The following GPHN variants were observed in gnomAD, a reference collection of about 807,000 sequenced individuals.
The protein encoded by GPHN is gephyrin.
In GPHN, 17 loss-of-function variants were observed where a neutral mutation model predicts 95.5. That is an observed-to-expected ratio of 0.18 (90% CI 0.12 to 0.27). GPHN has a LOEUF of 0.27. GPHN is among the 10% of genes least tolerant of loss of function. The pLI is 1.00. For missense variants in GPHN, 660 were observed against 978.1 expected (o/e 0.67, Z 4.34); for synonymous variants, 320 against 322.5 (o/e 0.99, Z 0.08).
At chr14:66,964,414 A>T (rs2069171132) in intron 8 of GPHN, among the ~76,000 whole-genome samples, 1 of 152,202 alleles carries the variant, frequency 6.6e-6, no homozygotes, top group Admixed American at 6.5e-5. Context: ...GTCAGATAGC[A>T]TGCTTAAATA....
chr14:66,730,627 A>G (rs1411389286), intron 2 of GPHN, among the ~76,000 whole-genome samples: 1 of 152,184 alleles, frequency 6.6e-6, no homozygotes, highest in Non-Finnish European at 1.5e-5. Context: ...TTTAAACACT[A>G]TGTTCAAGGC....
the GPHN span, among the ~76,000 whole-genome samples, chr14:67,497,662 G>A: frequency 1.1e-4 from 16 of 152,168 alleles, no homozygotes; most frequent in African/African-American, 3.9e-4. Flanking sequence ...TTTAACACAT[G>A]CTGAGTTGTC....
chr14:67,095,851 G>C lies in GPHN; in HGVS notation c.1238-5005G>C, dbSNP rs1184909413. ...GCTAAATGACAAGTTAATGGGTGCAGCACACCAGCATGGCACATGTATACA... is the reference window on the plus strand; with the variant it reads ...GCTAAATGACAAGTTAATGGGTGCACCACACCAGCATGGCACATGTATACA... On this transcript the variant is annotated intron_variant, in intron 12 of 22. Transcript: ENST00000478722. Among the ~76,000 whole-genome samples the C allele has an allele frequency of 2.0e-5, 3 of 149,478 alleles. No homozygotes were observed. The East Asian group carries it at 5.9e-4, about 29-fold the overall frequency.
chr14:67,104,212 A>G (rs962165004), intron 13 of GPHN, among the ~76,000 whole-genome samples: 14 of 152,336 alleles, frequency 9.2e-5, no homozygotes, highest in South Asian at 4.1e-4. Flanking sequence ...TCCCCACAGT[A>G]AATCCCACTT....
At chr14:66,644,185 G>A (rs988958871) in intron 1 of GPHN, among the ~76,000 whole-genome samples, 3 of 152,004 alleles carry the variant, frequency 2.0e-5, no homozygotes, top group Non-Finnish European at 4.4e-5. Flanking sequence ...TTCACAGAAC[G>A]CCTTGGGTTA....
the GPHN span, among the ~76,000 whole-genome samples, chr14:67,662,825 C>CGAA: frequency 2.6e-4 from 40 of 151,332 alleles, no homozygotes; most frequent in Middle Eastern, 6.8e-3. Context: ...AATGCTTGAA[C>CGAA]CCAGGAGGTG....
chr14:67,251,022 A>C, the GPHN span, among the ~76,000 whole-genome samples: 1 of 152,214 alleles, frequency 6.6e-6, no homozygotes, highest in African/African-American at 2.4e-5. Flanking sequence ...TTCTTTTTAC[A>C]AATGAGGAAA....
chr14:67,150,793 C>G (rs910827076), intron 18 of GPHN, among the ~76,000 whole-genome samples: 57 of 152,022 alleles, frequency 3.7e-4, no homozygotes, highest in African/African-American at 1.3e-3. Context: ...TGGGCTTAAG[C>G]AATAATCCTC....
intron 1 of GPHN, among the ~76,000 whole-genome samples, chr14:66,628,174 T>TA (rs2063593770): frequency 6.6e-6 from 1 of 152,148 alleles, no homozygotes; most frequent in Non-Finnish European, 1.5e-5. Context: ...AATGCAAAGT[T>TA]ATGAAAAACA....
chr14:67,131,128 G>C (rs186250452), intron 17 of GPHN, among the ~76,000 whole-genome samples: 35 of 152,190 alleles, frequency 2.3e-4, no homozygotes, highest in Admixed American at 9.8e-4. Context: ...TGCTATATGT[G>C]CTAGCCAAGC....
At chr14:67,104,853 T>C (rs2077947159) in intron 13 of GPHN, among the ~76,000 whole-genome samples, 1 of 152,116 alleles carries the variant, frequency 6.6e-6, no homozygotes, top group Non-Finnish European at 1.5e-5. Flanking sequence ...GTTTCTCTTA[T>C]CTGTATTCTT....
At chr14:67,279,400 A>G in the GPHN span, 1 of 1,614,010 alleles carries the variant, frequency 6.2e-7, no homozygotes, top group Admixed American at 1.7e-5. Flanking sequence ...GGGAAAAAGC[A>G]AGAACTTGAC....
the GPHN span, chr14:67,386,516 A>G: frequency 6.6e-6 from 1 of 152,248 alleles, no homozygotes; most frequent in Non-Finnish European, 1.5e-5. Context: ...CTTTAAAAGT[A>G]TTGTATGATA....
At chr14:67,194,161 G>A in the GPHN span, among the ~76,000 whole-genome samples, 4 of 151,838 alleles carry the variant, frequency 2.6e-5, no homozygotes, top group South Asian at 2.1e-4. Context: ...TCAGGAGTTC[G>A]AGACCAGCCT....
chr14:67,380,195 T>A, the GPHN span, among the ~76,000 whole-genome samples: 3 of 152,270 alleles, frequency 2.0e-5, no homozygotes, highest in Non-Finnish European at 4.4e-5. Flanking sequence ...GTCCCTGTCC[T>A]GTGGCACTTA....
In GPHN at chr14:67,144,264, T is replaced by TACATAC. The variant is rs1415844343; in HGVS notation, c.1836+816_1836+817insCATACA. On this transcript the variant is annotated intron_variant, in intron 18 of 22. Coordinates refer to ENST00000478722, the MANE Select transcript of GPHN (RefSeq NM_020806.5). ...AAAAAAAAAAAAATATATATATATA[T>TACATAC]ATATATATATATATATATATATACA... Among the ~76,000 whole-genome samples, 15 of 83,096 alleles carry TACATAC rather than the reference T, an allele frequency of 1.8e-4. 3 individuals carry two copies. Among genetic ancestry groups the TACATAC allele is most frequent in the African/African-American group, 9.8e-4 (13 of 13,258 alleles). The allele number at this position is 83,096 out of a possible 152,430, so 54.5% of individuals were successfully genotyped here.
chr14:67,122,022 C>T (rs141093539), intron 16 of GPHN, among the ~76,000 whole-genome samples: 6 of 152,120 alleles, frequency 3.9e-5, no homozygotes, highest in Non-Finnish European at 8.8e-5. Context: ...ATTTTGCATG[C>T]AGTTCAATCG....
chr14:66,953,244 A>G (rs2068241532), intron 8 of GPHN, among the ~76,000 whole-genome samples: 3 of 148,776 alleles, frequency 2.0e-5, no homozygotes, highest in Non-Finnish European at 4.4e-5. Context: ...TATCAGAGAT[A>G]TGATTTGCAA....
chr14:67,696,689 A>G, the GPHN span, among the ~76,000 whole-genome samples: 8 of 152,140 alleles, frequency 5.3e-5, no homozygotes, highest in Non-Finnish European at 1.0e-4. Flanking sequence ...AAGGCCATGA[A>G]TATGTTCTCT....
Sources: gnomAD v4.1 joint callset for allele counts (sites outside exome capture counted in the v4.1 genomes callset) on GRCh38, gnomAD v4.1.1 for gene constraint, MANE v1.5 for transcripts, NCBI Gene and HGNC (gene_info 2026-07-23, HGNC 2026-07-21) for gene names.